The following LOC128462377 variants were observed in gnomAD, a reference collection of about 807,000 sequenced individuals.
chr16:89,341,653 T>A, the LOC128462377 span, among the ~76,000 whole-genome samples: 1 of 152,356 alleles, frequency 6.6e-6, no homozygotes, highest in East Asian at 1.9e-4. Context: ...CTGGGAGCAA[T>A]GCCACGTATG....
chr16:89,390,221 G>A, the LOC128462377 span, among the ~76,000 whole-genome samples: 3 of 126,182 alleles, frequency 2.4e-5, no homozygotes, highest in African/African-American at 5.9e-5. Flanking sequence ...CGAGTGTGGC[G>A]GGGAGCACCG....
the LOC128462377 span, among the ~76,000 whole-genome samples, chr16:89,377,110 C>T: frequency 2.0e-5 from 3 of 152,194 alleles, no homozygotes; most frequent in East Asian, 3.8e-4. Context: ...ATGAACAATG[C>T]CCTTGGTCCC....
At chr16:89,389,186 T>C in the LOC128462377 span, among the ~76,000 whole-genome samples, 1 of 142,136 alleles carries the variant, frequency 7.0e-6, no homozygotes, top group Admixed American at 7.0e-5. Context: ...GTCTGGCTAA[T>C]TTTTTTTTTT....
chr16:89,357,871 C>A, the LOC128462377 span, among the ~76,000 whole-genome samples: 5 of 152,246 alleles, frequency 3.3e-5, no homozygotes, highest in Admixed American at 3.3e-4. Flanking sequence ...CTGCCCCTTT[C>A]TGGGGACACC....
At chr16:89,381,065 G>T in the LOC128462377 span, among the ~76,000 whole-genome samples, 1 of 152,218 alleles carries the variant, frequency 6.6e-6, no homozygotes, top group Non-Finnish European at 1.5e-5. Context: ...GCTCAGGCCT[G>T]TCATCCCAGC....
At chr16:89,358,446 T>A in the LOC128462377 span, among the ~76,000 whole-genome samples, 1 of 152,244 alleles carries the variant, frequency 6.6e-6, no homozygotes. Context: ...AATTTCCAGG[T>A]TGGGTTGGTA....
chr16:89,393,192 G>A, the LOC128462377 span, among the ~76,000 whole-genome samples: 1 of 152,138 alleles, frequency 6.6e-6, no homozygotes, highest in African/African-American at 2.4e-5. Context: ...AATACCTTGA[G>A]AGCACGACGC....
the LOC128462377 span, among the ~76,000 whole-genome samples, chr16:89,366,036 G>A: frequency 6.8e-6 from 1 of 148,006 alleles, no homozygotes; most frequent in Non-Finnish European, 1.5e-5. Flanking sequence ...CAAAAGACAT[G>A]ATCTGATCAC....
At chr16:89,388,261 G>A in the LOC128462377 span, among the ~76,000 whole-genome samples, 1 of 149,744 alleles carries the variant, frequency 6.7e-6, no homozygotes, top group African/African-American at 2.5e-5. Flanking sequence ...CACGCGGGTG[G>A]TGCCGGGTGC....
chr16:89,402,654 A>T, the LOC128462377 span, among the ~76,000 whole-genome samples: 3 of 80,368 alleles, frequency 3.7e-5, no homozygotes, highest in African/African-American at 5.0e-5. Context: ...GCAGCACTGC[A>T]GGGTGAGGTG....
the LOC128462377 span, among the ~76,000 whole-genome samples, chr16:89,354,243 CAAAAA>C: frequency 7.9e-5 from 10 of 126,230 alleles, no homozygotes; most frequent in Non-Finnish European, 1.4e-4. Flanking sequence ...TGCATTCAGC[CAAAAA>C]AAAAAAAAAA....
At chr16:89,349,134 T>TAAAAAAAAAAAAAAAAAAAAAAAAAAA in the LOC128462377 span, among the ~76,000 whole-genome samples, 3 of 16,574 alleles carry the variant, frequency 1.8e-4, no homozygotes, top group Non-Finnish European at 2.8e-4. Flanking sequence ...TCTCAAAAAG[T>TAAAAAAAAAAAAAAAAAAAAAAAAAAA]AAAAAAAAAA....
chr16:89,367,172 G>A, the LOC128462377 span, among the ~76,000 whole-genome samples: 1 of 152,112 alleles, frequency 6.6e-6, no homozygotes, highest in Non-Finnish European at 1.5e-5. Flanking sequence ...CACCTCAGGG[G>A]GACAGTCCAT....
At chr16:89,393,097 C>A in the LOC128462377 span, among the ~76,000 whole-genome samples, 1 of 152,060 alleles carries the variant, frequency 6.6e-6, no homozygotes, top group African/African-American at 2.4e-5. Flanking sequence ...CACGGTCTCC[C>A]TCCCTCTTCT....
At chr16:89,317,265 A>G in the LOC128462377 span, among the ~76,000 whole-genome samples, 1 of 152,238 alleles carries the variant, frequency 6.6e-6, no homozygotes, top group Non-Finnish European at 1.5e-5. Context: ...GTCACCAGCA[A>G]CAGGAATGGC....
chr16:89,382,126 G>T, the LOC128462377 span, among the ~76,000 whole-genome samples: 27 of 152,204 alleles, frequency 1.8e-4, no homozygotes, highest in African/African-American at 6.5e-4. Context: ...CCTCCCAGCA[G>T]CTGGGCACAC....
the LOC128462377 span, among the ~76,000 whole-genome samples, chr16:89,410,255 C>T: frequency 6.6e-6 from 1 of 152,162 alleles, no homozygotes; most frequent in Non-Finnish European, 1.5e-5. Context: ...CACCTAAAGC[C>T]TCATAACATC....
At chr16:89,322,807 G>C in the LOC128462377 span, among the ~76,000 whole-genome samples, 1 of 152,244 alleles carries the variant, frequency 6.6e-6, no homozygotes, top group Non-Finnish European at 1.5e-5. Flanking sequence ...GCAGCACACG[G>C]CCATGCTCCA....
At chr16:89,414,381 C>CCACACTCACTGGGAACCGCGTGCGGG in the LOC128462377 span, among the ~76,000 whole-genome samples, 8 of 152,206 alleles carry the variant, frequency 5.3e-5, no homozygotes, top group African/African-American at 1.9e-4. Flanking sequence ...TCACTCACGG[C>CCACACTCACTGGGAACCGCGTGCGGG]CACACTCACT....
Sources: gnomAD v4.1 joint callset for allele counts (sites outside exome capture counted in the v4.1 genomes callset) on GRCh38, gnomAD v4.1.1 for gene constraint, MANE v1.5 for transcripts.